Variants in PRKN observed in about 807,000 individuals in gnomAD.
PRKN encodes the protein E3 ubiquitin-protein ligase parkin.
A neutral mutation model predicts 59.5 loss-of-function variants in PRKN; 56 were observed. The ratio of observed to expected loss-of-function variants is 0.94; its 90% CI spans 0.76 to 1.18. The LOEUF is 1.18. Ranked by LOEUF, PRKN falls within the 50% of genes most tolerant of loss-of-function variation. The pLI is 0.00. For synonymous variants in PRKN, 250 were observed against 222.1 expected (o/e 1.13, Z -1.12); for missense variants, 657 against 596.4 (o/e 1.10, Z -1.06).
chr6:162,657,450 T>A (rs749067561), intron 1 of PRKN, among the ~76,000 whole-genome samples: 2 of 152,152 alleles, frequency 1.3e-5, no homozygotes, highest in African/African-American at 4.8e-5. Flanking sequence ...CATCAATATG[T>A]GTTTTATTAC....
At chr6:161,403,604 G>C (rs950680444) in intron 9 of PRKN, among the ~76,000 whole-genome samples, 1 of 152,182 alleles carries the variant, frequency 6.6e-6, no homozygotes, top group African/African-American at 2.4e-5. Context: ...ATCTCTGTGA[G>C]AATCACTCTC....
intron 1 of PRKN, among the ~76,000 whole-genome samples, chr6:162,499,447 C>T (rs180871522): frequency 1.3e-5 from 2 of 152,082 alleles, no homozygotes; most frequent in South Asian, 2.1e-4. Context: ...TCTTGCAGGC[C>T]GTATGATACT....
At chr6:161,988,522 A>G (rs1562440703) in intron 5 of PRKN, among the ~76,000 whole-genome samples, 1 of 151,910 alleles carries the variant, frequency 6.6e-6, no homozygotes, top group Non-Finnish European at 1.5e-5. Context: ...ATAAATAAAT[A>G]AAAAGAAAAA....
At chr6:162,517,654 T>C (rs1458061189) in intron 1 of PRKN, among the ~76,000 whole-genome samples, 1 of 152,110 alleles carries the variant, frequency 6.6e-6, no homozygotes. Flanking sequence ...TAAAATAATC[T>C]TACACTAATC....
At chr6:161,364,473 C>CAAAAAAA (rs57773007) in intron 10 of PRKN, among the ~76,000 whole-genome samples, 3 of 37,896 alleles carry the variant, frequency 7.9e-5, no homozygotes, top group Non-Finnish European at 1.3e-4. Context: ...ACCCGCCCCG[C>CAAAAAAA]AAAAAAAAAA....
At chr6:161,642,858 TA>T in intron 7 of PRKN, among the ~76,000 whole-genome samples, 1 of 152,350 alleles carries the variant, frequency 6.6e-6, no homozygotes, top group East Asian at 1.9e-4. Flanking sequence ...TAAAAACATT[TA>T]AACATACACT....
intron 4 of PRKN, among the ~76,000 whole-genome samples, chr6:162,187,095 G>T (rs187996024): frequency 6.6e-6 from 1 of 152,104 alleles, no homozygotes; most frequent in Admixed American, 6.6e-5. Context: ...GTATGAGAAT[G>T]CCCAATGGAA....
chr6:161,477,772 T>A (rs1458619012), intron 9 of PRKN, among the ~76,000 whole-genome samples: 1 of 152,214 alleles, frequency 6.6e-6, no homozygotes, highest in East Asian at 1.9e-4. Context: ...ATTACAAATG[T>A]AACTATCCTG....
chr6:161,597,509 C>T (rs989148790), intron 7 of PRKN, among the ~76,000 whole-genome samples: 6 of 152,196 alleles, frequency 3.9e-5, no homozygotes, highest in Non-Finnish European at 7.3e-5. Context: ...CATTCACTTA[C>T]CCAGGGGTGA....
At chr6:162,305,176 A>G (rs141038401) in intron 2 of PRKN, among the ~76,000 whole-genome samples, 146 of 152,256 alleles carry the variant, frequency 9.6e-4, no homozygotes, top group African/African-American at 3.2e-3. Context: ...TACATCTTAG[A>G]GTATAGAAAA....
intron 6 of PRKN, among the ~76,000 whole-genome samples, chr6:161,796,689 C>T (rs1790864593): frequency 6.6e-6 from 1 of 152,126 alleles, no homozygotes. Context: ...GTTCTTCAGA[C>T]TCTAATTTCA....
Position 161,371,811 on chromosome 6 carries a change from G to A in PRKN, c.1168-11606C>T, listed in dbSNP as rs1427350617. On this transcript the variant is annotated intron_variant, in intron 10 of 11. Coordinates refer to ENST00000366898, the MANE Select transcript of PRKN (RefSeq NM_004562.3). The surrounding 1 kb of genome is among the most constrained non-coding windows in gnomAD (Gnocchi z 5.5). ...GCACCACCCCACCTCGCTAATTTTT[G>A]TATTTTTAGTAGAGATGGGATTTCA... is the stretch of plus-strand genomic sequence containing the variant. Among the ~76,000 whole-genome samples, 2 of 151,956 alleles carry A rather than the reference G, an allele frequency of 1.3e-5. No homozygotes were observed.
At chr6:161,532,166 C>CTCTATATATATATA (rs1355724171) in intron 9 of PRKN, among the ~76,000 whole-genome samples, 1 of 115,420 alleles carries the variant, frequency 8.7e-6, no homozygotes, top group Non-Finnish European at 1.8e-5. Context: ...CTCTCTCTCT[C>CTCTATATATATATA]TATATATATA....
intron 6 of PRKN, among the ~76,000 whole-genome samples, chr6:161,937,137 C>T: frequency 6.6e-6 from 1 of 152,156 alleles, no homozygotes; most frequent in East Asian, 1.9e-4. Flanking sequence ...TCAGTCAATA[C>T]TGTAAAAAAG....
At chr6:162,011,887 T>C (rs1042908712) in intron 5 of PRKN, among the ~76,000 whole-genome samples, 6 of 93,454 alleles carry the variant, frequency 6.4e-5, no homozygotes, top group African/African-American at 3.3e-4. Flanking sequence ...AAAATTGTAC[T>C]ATAAATGCTG....
At chr6:161,747,253 C>T (rs759343412) in intron 7 of PRKN, among the ~76,000 whole-genome samples, 4 of 152,266 alleles carry the variant, frequency 2.6e-5, no homozygotes, top group African/African-American at 2.4e-5. Context: ...GTCATCAATG[C>T]CTCCTTCCTC....
chr6:162,450,981 T>C lies in PRKN; in HGVS notation c.8-7508A>G, dbSNP rs566120992. Among the ~76,000 whole-genome samples the C allele has an allele frequency of 1.8e-3, 272 of 152,270 alleles. 1 individual carries two copies. The highest frequency in any genetic ancestry group is 6.1e-3 in the African/African-American group (255 of 41,550). On this transcript the variant is annotated intron_variant, in intron 1 of 11. Transcript: ENST00000366898. Reference sequence around the variant, plus strand: ...GGGTACATGGGAACTCCCTGTACTATTTTTGCATCTTTTTCTGTAAAACTA... The same window carrying C: ...GGGTACATGGGAACTCCCTGTACTACTTTTGCATCTTTTTCTGTAAAACTA...
chr6:161,595,329 C>T (rs577868800), intron 7 of PRKN, among the ~76,000 whole-genome samples: 1 of 151,938 alleles, frequency 6.6e-6, no homozygotes, highest in Admixed American at 6.6e-5. Flanking sequence ...CAGTGTGGGG[C>T]GAGATGTAGG....
chr6:162,116,758 G>T (rs575827769), intron 4 of PRKN, among the ~76,000 whole-genome samples: 1 of 152,280 alleles, frequency 6.6e-6, no homozygotes, highest in Admixed American at 6.5e-5. Flanking sequence ...AAATTGCAGA[G>T]ATATGCACAG....
Sources: gnomAD v4.1 joint callset for allele counts (sites outside exome capture counted in the v4.1 genomes callset) on GRCh38, gnomAD v4.1.1 for gene constraint, Gnocchi (gnomAD v3.1) non-coding constraint, MANE v1.5 for transcripts, NCBI Gene and HGNC (gene_info 2026-07-23, HGNC 2026-07-21) for gene names.